ARHGAP24: variants seen among roughly 807,000 people sequenced by gnomAD.
ARHGAP24 encodes Rho GTPase activating protein 24.
Under a neutral mutation model 76.4 loss-of-function variants are expected in ARHGAP24, and 50 were observed. The ratio of observed to expected loss-of-function variants is 0.65; its 90% CI spans 0.52 to 0.83. ARHGAP24 has a LOEUF of 0.83. Among genes scored for constraint, ARHGAP24 ranks in the 40% least tolerant of loss-of-function variants. The pLI is 0.00. For missense variants in ARHGAP24, 930 were observed against 914.2 expected, an observed-to-expected ratio of 1.02 and a Z score of -0.22; for synonymous variants, 345 against 323.3, an observed-to-expected ratio of 1.07 and a Z score of -0.72.
intron 5 of ARHGAP24, among the ~76,000 whole-genome samples, chr4:85,963,563 G>A (rs959873418): frequency 6.6e-5 from 10 of 151,984 alleles, no homozygotes; most frequent in African/African-American, 2.4e-4. Flanking sequence ...CCTTATAAGT[G>A]TCTCGATCCT....
intron 2 of ARHGAP24, among the ~76,000 whole-genome samples, chr4:85,721,198 C>T (rs931514710): frequency 2.0e-5 from 3 of 152,014 alleles, no homozygotes; most frequent in Non-Finnish European, 4.4e-5. Flanking sequence ...GAGTTCGAGA[C>T]TAGCCTGGCC....
chr4:85,727,993 TG>T (rs1310300265), intron 3 of ARHGAP24, among the ~76,000 whole-genome samples: 1 of 151,888 alleles, frequency 6.6e-6, no homozygotes, highest in Non-Finnish European at 1.5e-5. Flanking sequence ...GATTTTTATC[TG>T]CCTGGAAACA....
At chr4:85,612,792 C>CTTTTTTGT (rs1720436748) in intron 2 of ARHGAP24, among the ~76,000 whole-genome samples, 1 of 82,774 alleles carries the variant, frequency 1.2e-5, no homozygotes, top group Admixed American at 1.8e-4. Flanking sequence ...CTTTCCATTC[C>CTTTTTTGT]TTTTTTTTTT....
intron 2 of ARHGAP24, among the ~76,000 whole-genome samples, chr4:85,719,850 A>G (rs992313096): frequency 6.6e-6 from 1 of 152,162 alleles, no homozygotes; most frequent in African/African-American, 2.4e-5. Flanking sequence ...AAAATTCAAG[A>G]ATCTATGCAA....
At chr4:85,687,071 T>G (rs188164720) in intron 2 of ARHGAP24, among the ~76,000 whole-genome samples, 3 of 152,024 alleles carry the variant, frequency 2.0e-5, no homozygotes, top group East Asian at 3.9e-4. Flanking sequence ...TAATTAGAGA[T>G]TCAAGAAAAT....
chr4:85,935,386 C>T (rs1348539170), intron 4 of ARHGAP24, among the ~76,000 whole-genome samples: 5 of 152,124 alleles, frequency 3.3e-5, no homozygotes. Flanking sequence ...GTTGTAGGTG[C>T]CCCTGAACAA....
intron 8 of ARHGAP24, among the ~76,000 whole-genome samples, chr4:85,978,177 T>C (rs75779853): frequency 0.03 from 4,620 of 152,322 alleles, 269 homozygotes; most frequent in African/African-American, 0.11. Flanking sequence ...GTCTCAATTA[T>C]TTTCCACAAT....
At chr4:85,911,835 C>A (rs918433852) in intron 3 of ARHGAP24, among the ~76,000 whole-genome samples, 1 of 152,164 alleles carries the variant, frequency 6.6e-6, no homozygotes, top group Non-Finnish European at 1.5e-5. Flanking sequence ...TATCCACTTA[C>A]TTAATATTAT....
At chr4:85,748,742 C>T (rs1260021685) in intron 3 of ARHGAP24, among the ~76,000 whole-genome samples, 1 of 152,130 alleles carries the variant, frequency 6.6e-6, no homozygotes, top group Admixed American at 6.6e-5. Context: ...ACAGTATTTC[C>T]TGTGCATAAG....
intron 3 of ARHGAP24, among the ~76,000 whole-genome samples, chr4:85,874,885 TA>T (rs1448624985): frequency 8.6e-5 from 9 of 104,526 alleles, no homozygotes; most frequent in Admixed American, 5.0e-4. Context: ...AATTTATATA[TA>T]AATATATTTT....
chr4:85,911,036 C>T (rs1333305410), intron 3 of ARHGAP24, among the ~76,000 whole-genome samples: 7 of 152,146 alleles, frequency 4.6e-5, no homozygotes, highest in Non-Finnish European at 7.4e-5. Flanking sequence ...CAGGCATTTC[C>T]GAGCCTGTGA....
intron 5 of ARHGAP24, among the ~76,000 whole-genome samples, chr4:85,948,968 A>G (rs552321962): frequency 6.6e-6 from 1 of 152,126 alleles, no homozygotes; most frequent in Non-Finnish European, 1.5e-5. Context: ...TTGCTCTTGT[A>G]CTACCTTAAC....
At chr4:85,490,686 C>A (rs1331377411) in intron 1 of ARHGAP24, among the ~76,000 whole-genome samples, 1 of 152,176 alleles carries the variant, frequency 6.6e-6, no homozygotes, top group Non-Finnish European at 1.5e-5. Flanking sequence ...TTAGCCCTAG[C>A]TCTTATTAGA....
At chr4:85,508,593 A>C (rs1165315191) in intron 1 of ARHGAP24, among the ~76,000 whole-genome samples, 1 of 152,162 alleles carries the variant, frequency 6.6e-6, no homozygotes, top group Non-Finnish European at 1.5e-5. Flanking sequence ...AGCTCTGATA[A>C]ATCTTGTGTA....
At chr4:85,486,651 A>C (rs1723060232) in intron 1 of ARHGAP24, among the ~76,000 whole-genome samples, 1 of 152,204 alleles carries the variant, frequency 6.6e-6, no homozygotes, top group South Asian at 2.1e-4. Context: ...TGGCTCTGTT[A>C]GTACAGTGAG....
chr4:85,672,356 G>A (rs1722841002), intron 2 of ARHGAP24, among the ~76,000 whole-genome samples: 1 of 152,078 alleles, frequency 6.6e-6, no homozygotes, highest in Non-Finnish European at 1.5e-5. Flanking sequence ...TTTCCTTTGG[G>A]AGTGAGCAAG....
At chr4:85,665,008 G>A (rs1391219577) in intron 2 of ARHGAP24, among the ~76,000 whole-genome samples, 2 of 152,198 alleles carry the variant, frequency 1.3e-5, no homozygotes, top group African/African-American at 4.8e-5. Flanking sequence ...GGGTTGGAGA[G>A]TTCTGTCGAT....
Position 86,001,071 on chromosome 4 carries a change from C to T in ARHGAP24, c.*349C>T, listed in dbSNP as rs940853606. On this transcript the variant is annotated 3_prime_UTR_variant, in exon 10 of 10. Transcript: ENST00000395184. Reference sequence around the variant, plus strand: ...TTTAGCTTGCTTTCAAGCTTCACCCCTTGCACTTAACATAAGCTATTTTTG... The same window carrying T: ...TTTAGCTTGCTTTCAAGCTTCACCCTTTGCACTTAACATAAGCTATTTTTG... 4 of 437,300 alleles carry T rather than the reference C, an allele frequency of 9.1e-6. No individual in the cohort carries two copies. The highest frequency in any genetic ancestry group is 1.6e-5 in the Non-Finnish European group (4 of 249,924). The allele number at this position is 437,300 out of a possible 1,614,324, so 27.1% of individuals were successfully genotyped here.
chr4:85,959,161 A>C (rs1269230807), intron 5 of ARHGAP24, among the ~76,000 whole-genome samples: 4 of 152,238 alleles, frequency 2.6e-5, no homozygotes, highest in Admixed American at 6.5e-5. Flanking sequence ...TATGCTAAAC[A>C]AGCGATGGAT....
Sources: allele counts gnomAD v4.1 joint callset (sites outside exome capture counted in the v4.1 genomes callset), GRCh38; gene constraint gnomAD v4.1.1; transcripts MANE v1.5; gene names NCBI Gene and HGNC (gene_info 2026-07-23, HGNC 2026-07-21).